MUC6: variants seen among roughly 807,000 people sequenced by gnomAD.
MUC6 encodes mucin 6, oligomeric mucus/gel-forming (gene/pseudogene), also known as mucin-6.
In MUC6, 188 loss-of-function variants were observed where a neutral mutation model predicts 201.5. The ratio of observed to expected loss-of-function variants is 0.93; its 90% CI spans 0.83 to 1.05. The LOEUF is 1.05. Among genes scored for constraint, MUC6 ranks in the 50% least tolerant of loss-of-function variants. MUC6 has a pLI of 0.00. For missense variants in MUC6, 2,706 were observed against 3,256.9 expected, an observed-to-expected ratio of 0.83 and a Z score of 4.12; for synonymous variants, 1,228 against 1,389.4, an observed-to-expected ratio of 0.88 and a Z score of 2.58.
intron 31 of MUC6, among the ~76,000 whole-genome samples, chr11:1,014,564 T>C (rs1856558395): frequency 1.3e-5 from 2 of 152,054 alleles, no homozygotes; most frequent in African/African-American, 4.8e-5. Flanking sequence ...GCGAGAGGCC[T>C]GGGTACGTGG....
chr11:1,021,848 A>G (rs1260521325), intron 26 of MUC6, among the ~76,000 whole-genome samples: 1 of 151,854 alleles, frequency 6.6e-6, no homozygotes, highest in Admixed American at 6.6e-5. Context: ...CTGAGCCCCA[A>G]CACATCTGTC....
chr11:1,029,430 C>T lies in MUC6; in HGVS notation c.1137-64G>A, dbSNP rs1220559650. Reference sequence around the variant, plus strand: ...GCCGCTGGAGCCAGACAGCACACCCCTGCCTGCCCTAGGCCAGTGGAACCC... The same window carrying T: ...GCCGCTGGAGCCAGACAGCACACCCTTGCCTGCCCTAGGCCAGTGGAACCC... On this transcript the variant is annotated intron_variant, in intron 9 of 32. Transcript: ENST00000421673. The T allele has an allele frequency of 6.3e-6, 10 of 1,599,528 alleles. No homozygotes were observed. The Admixed American group carries it at 1.7e-4, about 28-fold the overall frequency.
intron 28 of MUC6, 137 bp from the exon 29 acceptor site, chr11:1,020,394 G>C: frequency 8.2e-7 from 1 of 1,224,642 alleles, no homozygotes; most frequent in Non-Finnish European, 1.1e-6. Context: ...CTGGCCTGTG[G>C]CACTCTGAGT....
In MUC6 at chr11:1,026,927, G is replaced by T; in HGVS notation, c.2394+14C>A. The T allele has an allele frequency of 6.4e-7, 1 of 1,555,494 alleles. No homozygotes were observed. On this transcript the variant is annotated intron_variant, in intron 19 of 32. Coordinates refer to ENST00000421673, the MANE Select transcript of MUC6 (RefSeq NM_005961.3). Reference sequence around the variant, plus strand: ...GGCCCGGGCATTGTCCCTGCTCCTCGCGCGCCCCCTTACGCAGGCAACACC... The same window carrying T: ...GGCCCGGGCATTGTCCCTGCTCCTCTCGCGCCCCCTTACGCAGGCAACACC...
Position 1,023,629 on chromosome 11 carries a change from T to C in MUC6, c.3406A>G (p.Thr1136Ala). The change falls in exon 26 of 33, where the codon ACG (threonine) becomes GCG (alanine). Residue 1136 changes from threonine (T) to alanine (A), a missense_variant. Physicochemically the swap from Thr to Ala is moderately conservative, Grantham distance 58. This residue lies in a region of MUC6 where 1,850 missense variants were observed against 1,958.3 expected (regional missense o/e 0.94). Transcript: ENST00000421673. The part of the protein sequence containing the change: ...FCPIYCGFYN[T>A]HTQDGHGEYQ... ...TCGCCATGGCCGTCCTGCGTGTGCG[T>C]GTTGTAGAAGCCGCAGTAGATGGCT... 4.3e-6 allele frequency: 7 copies of C among 1,612,750 alleles called. No homozygotes were observed. The highest frequency in any genetic ancestry group is 5.9e-6 in the Non-Finnish European group (7 of 1,179,820).
rs1436484817 is a variant in MUC6, at chr11:1,013,530, G to T, written c.7246C>A (p.Pro2416Thr). 1.9e-6 allele frequency: 3 copies of T among 1,582,244 alleles called. No homozygotes were observed. Among genetic ancestry groups the T allele is most frequent in the Non-Finnish European group, 2.6e-6 (3 of 1,165,606 alleles). The change falls in exon 33 of 33, where the codon CCT (proline) becomes ACT (threonine). Residue 2416 changes from proline (P) to threonine (T), a missense_variant. By Grantham distance (38) the Pro-to-Thr change is conservative (BLOSUM62 -1). Around this residue, in one of 10 missense-constraint regions of MUC6, gnomAD observed 586 missense variants for 488.0 expected, o/e 1.20. Coordinates refer to ENST00000421673, the MANE Select transcript of MUC6 (RefSeq NM_005961.3). ...LELPCPDPST[P>T]GRRLVLTLQV... ...AGGGTGAGTACGAGCCGCCGGCCAG[G>T]CGTGCTGGGATCGGGGCAGGGCAGC...
intron 26 of MUC6, among the ~76,000 whole-genome samples, chr11:1,023,207 G>T (rs1031274189): frequency 2.7e-5 from 4 of 150,908 alleles, no homozygotes; most frequent in Non-Finnish European, 5.9e-5. Flanking sequence ...GAATGAGCAT[G>T]AATGAATGTG....
At chr11:1,020,004 C>T (rs1051563657) in intron 29 of MUC6, 86 bp downstream of exon 29, 27 of 1,471,598 alleles carry the variant, frequency 1.8e-5, no homozygotes, top group Middle Eastern at 1.7e-4. Context: ...AGCCAGGAAG[C>T]AGGGCCATCC....
intron 31 of MUC6, among the ~76,000 whole-genome samples, chr11:1,014,555 C>T (rs113292872): frequency 0.038 from 5,759 of 152,288 alleles, 158 homozygotes; most frequent in Admixed American, 0.078. Flanking sequence ...CCAGCCTCAG[C>T]GAGAGGCCTG....
chr11:1,036,591 C>G lies in MUC6; in HGVS notation c.52+13G>C. ...GGGCACCGCAGTGTCTGGCGCCCCT[C>G]GACCTCACTCACCAGCGCTGAGCAG... On this transcript the variant is annotated intron_variant, in intron 1 of 32. Transcript: ENST00000421673. 1 of 1,548,860 alleles carries G rather than the reference C, an allele frequency of 6.5e-7. No homozygotes were observed. The highest frequency in any genetic ancestry group is 1.2e-5 in the South Asian group (1 of 83,960).
intron 25 of MUC6, 21 bp from the exon 26 acceptor site, chr11:1,023,673 A>G (rs1411570855): frequency 6.2e-7 from 1 of 1,610,650 alleles, no homozygotes; most frequent in Middle Eastern, 2.1e-4. Flanking sequence ...GGGAGCTGTC[A>G]GCTGGTGGGG....
Position 1,016,708 on chromosome 11 carries a change from CTG to C in MUC6, c.6091_6092del (p.Gln2031AspfsTer68), listed in dbSNP as rs746075679. The C allele has an allele frequency of 6.6e-7, 1 of 1,522,974 alleles. No homozygotes were observed. Among genetic ancestry groups the C allele is most frequent in the Non-Finnish European group, 8.8e-7 (1 of 1,136,720 alleles). 94.3% of individuals were successfully genotyped at this position (1,522,974 alleles called of 1,614,324 possible). A position where few individuals can be genotyped will look rare whatever the true frequency, so the allele number is the denominator to read the frequency against. ...THTVIITTHT[Q>X]MATSASIHST... is the part of the protein sequence containing the mutation. Reference sequence around the variant, plus strand: ...AGTGGATGGAGGCAGAAGTGGCCATCTGTGTGTGGGTAGTGATGATGACTGTG... The same window carrying C: ...AGTGGATGGAGGCAGAAGTGGCCATCTGTGTGGGTAGTGATGATGACTGTG... On this transcript the variant is annotated frameshift_variant, in exon 31 of 33. Coordinates refer to ENST00000421673, the MANE Select transcript of MUC6 (RefSeq NM_005961.3). LOFTEE classifies it high-confidence loss of function.
rs199855990 is a variant in MUC6 at position 1,024,016 on chromosome 11, C to A, written c.3313G>T (p.Val1105Leu). The change falls in exon 25 of 33, where the codon GTG (valine) becomes TTG (leucine). Residue 1105 changes from valine (V) to leucine (L), a missense_variant. By Grantham distance (32) the Val-to-Leu change is conservative. Around this residue, in one of 10 missense-constraint regions of MUC6, gnomAD observed 1,850 missense variants for 1,958.3 expected, o/e 0.94. Transcript: ENST00000421673. Reference protein sequence around the residue: ...GGDCECLCDAVAAYAQACLDK... With the variant: ...GGDCECLCDALAAYAQACLDK... Reference sequence around the variant, plus strand: ...AGACAGGCTTGGGCGTAGGCAGCCACGGCATCGCACAGACACTCACAGTCC... The same window carrying A: ...AGACAGGCTTGGGCGTAGGCAGCCAAGGCATCGCACAGACACTCACAGTCC... 1.9e-6 allele frequency: 3 copies of A among 1,611,734 alleles called. No homozygotes were observed. The highest frequency in any genetic ancestry group is 2.5e-6 in the Non-Finnish European group (3 of 1,179,548).
At chr11:1,032,166 GC>G in intron 2 of MUC6, 113 bp from the exon 3 acceptor site, 1 of 1,412,612 alleles carries the variant, frequency 7.1e-7, no homozygotes, top group Non-Finnish European at 9.5e-7. Flanking sequence ...TTGAGTTGGG[GC>G]CAGGCTGTGG....
chr11:1,014,194 T>A (rs950787566), intron 31 of MUC6, among the ~76,000 whole-genome samples, 193 bp from the exon 32 acceptor site: 1 of 152,226 alleles, frequency 6.6e-6, no homozygotes, highest in Non-Finnish European at 1.5e-5. Context: ...CATCCTAGTT[T>A]GTTTTTTCCC....
chr11:1,030,917 G>A (rs889943160), intron 6 of MUC6, 30 bp downstream of exon 6: 25 of 1,548,240 alleles, frequency 1.6e-5, no homozygotes, highest in Non-Finnish European at 2.1e-5. Context: ...CAGACCTGGG[G>A]TCAGCCCCAC....
At position 1,013,880 on chromosome 11, in the gene MUC6, C is replaced by G. The variant is rs1192493386; in HGVS notation, c.7142+19G>C. ...GCACCTTGGTGGACGTGGGGCAGGC[C>G]TCCCACCTGTGGACTCACCTGGCAG... On this transcript the variant is annotated intron_variant, in intron 32 of 32. Transcript: ENST00000421673. 1 of 1,591,942 alleles carries G rather than the reference C, an allele frequency of 6.3e-7. No homozygotes were observed. Among genetic ancestry groups the G allele is most frequent in the Admixed American group, 1.7e-5 (1 of 57,366 alleles).
Position 1,021,204 on chromosome 11 carries a change from A to G in MUC6, c.3589+11T>C. Reference sequence around the variant, plus strand: ...AGGGGCAGGGTTCTCAGGGCAGCCGACTGGACTTACTGCAGGGCACGCACA... The same window carrying G: ...AGGGGCAGGGTTCTCAGGGCAGCCGGCTGGACTTACTGCAGGGCACGCACA... On this transcript the variant is annotated intron_variant, in intron 27 of 32. Coordinates refer to ENST00000421673, the MANE Select transcript of MUC6 (RefSeq NM_005961.3). 1.3e-6 allele frequency: 2 copies of G among 1,570,568 alleles called. No individual in the cohort carries two copies. The highest frequency in any genetic ancestry group is 1.7e-6 in the Non-Finnish European group (2 of 1,162,506).
In MUC6 at chr11:1,027,440, G is replaced by A. The variant is rs374646390; in HGVS notation, c.2059C>T (p.Arg687Cys). ...CERTCLSLSDRATECHHSAVP... is the reference protein window; with the variant it reads ...CERTCLSLSDCATECHHSAVP... Reference sequence around the variant, plus strand: ...GCGCTGTGGTGGCACTCGGTGGCACGGTCCGACAGCGACAGGCAGGTGCGC... The same window carrying A: ...GCGCTGTGGTGGCACTCGGTGGCACAGTCCGACAGCGACAGGCAGGTGCGC... The change falls in exon 17 of 33, where the codon CGT becomes TGT. Residue 687 changes from arginine (R) to cysteine (C), a missense_variant. Around this residue, in one of 10 missense-constraint regions of MUC6, gnomAD observed 1,850 missense variants for 1,958.3 expected, o/e 0.94. Coordinates refer to ENST00000421673, the MANE Select transcript of MUC6 (RefSeq NM_005961.3). 1.9e-5 allele frequency: 30 copies of A among 1,612,772 alleles called. No homozygotes were observed. Among genetic ancestry groups the A allele is most frequent in the Middle Eastern group, 1.6e-4 (1 of 6,062 alleles).
Sources: allele counts gnomAD v4.1 joint callset (sites outside exome capture counted in the v4.1 genomes callset), GRCh38; gene constraint gnomAD v4.1.1; regional missense constraint gnomAD v4.1.1; transcripts MANE v1.5; gene names NCBI Gene and HGNC (gene_info 2026-07-23, HGNC 2026-07-21).